PTPRM: variants seen among roughly 807,000 people sequenced by gnomAD.
PTPRM encodes protein tyrosine phosphatase receptor type M, also known as receptor-type tyrosine-protein phosphatase mu.
A neutral mutation model predicts 186.7 loss-of-function variants in PTPRM; 47 were observed. The ratio of observed to expected loss-of-function variants is 0.25; its 90% CI spans 0.20 to 0.32. PTPRM has a LOEUF of 0.32. PTPRM is among the 10% of genes least tolerant of loss of function. The probability of loss-of-function intolerance (pLI) is 1.00; values close to 1 mark genes in which losing one functional copy is unlikely to be tolerated. For synonymous variants in PTPRM, 668 were observed against 674.9 expected, an observed-to-expected ratio of 0.99 and a Z score of 0.16; for missense variants, 1,494 against 1,865.0, an observed-to-expected ratio of 0.80 and a Z score of 3.66.
intron 7 of PTPRM, among the ~76,000 whole-genome samples, chr18:7,984,602 T>TATATATATATATATACACAC (rs1214502563): frequency 1.0e-3 from 90 of 87,136 alleles, no homozygotes; most frequent in African/African-American, 4.0e-3. Context: ...TATATATATA[T>TATATATATATATATACACAC]ACACACACAC....
In PTPRM at chr18:7,797,436, G is replaced by T. The variant is rs569299178; in HGVS notation, c.196+23165G>T. Among the ~76,000 whole-genome samples, 310 of 152,302 alleles carry T rather than the reference G, an allele frequency of 2.0e-3. 1 individual carries two copies. The highest frequency in any genetic ancestry group is 6.8e-3 in the Middle Eastern group (2 of 294). On this transcript the variant is annotated intron_variant, in intron 2 of 32. Transcript: ENST00000580170. The stretch of plus-strand genomic sequence containing the variant: ...AGCCTCTCTTCTCCTTAAGATTAGG[G>T]TGTTCCTCCACTCAGAGTAGCCTCA...
At chr18:8,387,737 T>A (rs74555527) in intron 31 of PTPRM, among the ~76,000 whole-genome samples, 14 of 85,018 alleles carry the variant, frequency 1.6e-4, no homozygotes, top group Admixed American at 6.0e-4. Context: ...GGACCTGGAG[T>A]GTGTGTGTGT....
intron 22 of PTPRM, among the ~76,000 whole-genome samples, chr18:8,340,173 G>A (rs1001232546): frequency 8.5e-5 from 13 of 152,190 alleles, no homozygotes; most frequent in African/African-American, 2.4e-4. Context: ...ACAGCGCCCC[G>A]CGCCTGCAGG....
At chr18:8,366,967 T>TC (rs2095633681) in intron 23 of PTPRM, 1 of 152,270 alleles carries the variant, frequency 6.6e-6, no homozygotes, top group East Asian at 1.9e-4. Context: ...CGCCTCCCGT[T>TC]CCTTGGTTCC....
chr18:8,232,316 C>G (rs1012077119), intron 14 of PTPRM, among the ~76,000 whole-genome samples: 1 of 152,216 alleles, frequency 6.6e-6, no homozygotes, highest in African/African-American at 2.4e-5. Flanking sequence ...GAACAATATT[C>G]CATTGTCTAA....
In PTPRM at chr18:8,056,567, A is replaced by G. The variant is rs2087959931; in HGVS notation, c.1133-13119A>G. On this transcript the variant is annotated intron_variant, in intron 7 of 32. Coordinates refer to ENST00000580170, the MANE Select transcript of PTPRM (RefSeq NM_001105244.2). ...AAACCAGAAGGTGGAGGTTGTGGTT[A>G]GCTGAGATTGTGCCACCACACTCCA... Among the ~76,000 whole-genome samples, 4 of 152,082 alleles carry G rather than the reference A, an allele frequency of 2.6e-5. No individual in the cohort carries two copies. In the South Asian group the frequency reaches 8.3e-4, roughly 32 times the overall value.
intron 7 of PTPRM, among the ~76,000 whole-genome samples, chr18:7,976,334 C>T (rs2054938218): frequency 6.6e-6 from 1 of 152,118 alleles, no homozygotes; most frequent in Non-Finnish European, 1.5e-5. Flanking sequence ...TCATAGAGGA[C>T]TTTTTCAGGT....
intron 6 of PTPRM, among the ~76,000 whole-genome samples, chr18:7,949,988 G>C (rs566093521): frequency 7.2e-5 from 11 of 152,178 alleles, no homozygotes; most frequent in South Asian, 4.2e-4. Context: ...ACAATTTTTG[G>C]TCCCAGACAG....
intron 1 of PTPRM, among the ~76,000 whole-genome samples, chr18:7,651,244 G>A (rs2038695649): frequency 6.6e-6 from 1 of 152,042 alleles, no homozygotes; most frequent in Non-Finnish European, 1.5e-5. Context: ...AAGCCCATGT[G>A]ACCAGGCTTC....
intron 2 of PTPRM, among the ~76,000 whole-genome samples, chr18:7,779,176 C>G (rs1048312500): frequency 1.2e-4 from 18 of 152,176 alleles, no homozygotes; most frequent in Non-Finnish European, 2.4e-4. Context: ...TATTTATAGT[C>G]TATGTTGTCC....
At chr18:8,351,318 C>G (rs919463024) in intron 23 of PTPRM, among the ~76,000 whole-genome samples, 9 of 152,222 alleles carry the variant, frequency 5.9e-5, no homozygotes, top group Non-Finnish European at 1.3e-4. Flanking sequence ...AAGGCCTTGG[C>G]TCTTCCCATG....
intron 7 of PTPRM, among the ~76,000 whole-genome samples, chr18:7,966,413 T>C (rs1390862128): frequency 6.6e-6 from 1 of 152,100 alleles, no homozygotes; most frequent in East Asian, 1.9e-4. Context: ...TGTAAACACA[T>C]ATTTATAGTC....
chr18:8,345,621 A>G (rs1023918838), intron 23 of PTPRM, among the ~76,000 whole-genome samples: 1 of 151,774 alleles, frequency 6.6e-6, no homozygotes, highest in Non-Finnish European at 1.5e-5. Context: ...GGAACAGATA[A>G]TTCAAATGTT....
intron 9 of PTPRM, among the ~76,000 whole-genome samples, chr18:8,084,932 A>G (rs1003424865): frequency 5.9e-5 from 9 of 152,136 alleles, no homozygotes; most frequent in Admixed American, 3.9e-4. Context: ...TGTAGCTAGT[A>G]TCATGAAAAC....
intron 2 of PTPRM, among the ~76,000 whole-genome samples, chr18:7,866,103 C>T (rs1374246020): frequency 4.6e-5 from 7 of 152,066 alleles, no homozygotes. Context: ...GGCTAAGGGT[C>T]TATCTGTTTT....
chr18:7,950,250 A>G (rs2052848294), intron 6 of PTPRM, among the ~76,000 whole-genome samples: 1 of 152,194 alleles, frequency 6.6e-6, no homozygotes, highest in Admixed American at 6.5e-5. Flanking sequence ...GTAAAAATAA[A>G]AAAAGCTAGC....
chr18:7,674,162 A>G (rs2039281501), intron 1 of PTPRM, among the ~76,000 whole-genome samples: 1 of 152,090 alleles, frequency 6.6e-6, no homozygotes, highest in Non-Finnish European at 1.5e-5. Flanking sequence ...AGCCACTTGG[A>G]GTGTTTAAAA....
At chr18:7,744,531 A>T (rs567069736) in intron 1 of PTPRM, among the ~76,000 whole-genome samples, 1 of 152,186 alleles carries the variant, frequency 6.6e-6, no homozygotes, top group African/African-American at 2.4e-5. Context: ...TAAGATCTAT[A>T]TGATTGGCTT....
At chr18:8,027,801 T>C (rs1264087356) in intron 7 of PTPRM, among the ~76,000 whole-genome samples, 3 of 152,218 alleles carry the variant, frequency 2.0e-5, no homozygotes, top group Non-Finnish European at 4.4e-5. Flanking sequence ...ACAAGTCTTA[T>C]ATTTTAAAAA....
Sources: gnomAD v4.1 joint callset for allele counts (sites outside exome capture counted in the v4.1 genomes callset) on GRCh38, gnomAD v4.1.1 for gene constraint, MANE v1.5 for transcripts, NCBI Gene and HGNC (gene_info 2026-07-23, HGNC 2026-07-21) for gene names.